Variants in INPP4B observed in about 807,000 individuals in gnomAD.
INPP4B encodes inositol polyphosphate 4-phosphatase type II.
In INPP4B, 55 loss-of-function variants were observed where a neutral mutation model predicts 122.5. The ratio of observed to expected loss-of-function variants is 0.45; its 90% CI spans 0.36 to 0.56. The LOEUF is 0.56. Among genes scored for constraint, INPP4B ranks in the 20% least tolerant of loss-of-function variants. The pLI is 0.00. For synonymous variants in INPP4B, 403 were observed against 388.7 expected (o/e 1.04, Z -0.43); for missense variants, 1,000 against 1,097.7 (o/e 0.91, Z 1.26).
chr4:142,225,901 AT>A, intron 12 of INPP4B, among the ~76,000 whole-genome samples: 1 of 152,252 alleles, frequency 6.6e-6, no homozygotes, highest in African/African-American at 2.4e-5. Context: ...TAAAGCCAAT[AT>A]TTTGTGGCTA....
At chr4:142,442,411 CA>C (rs70949167) in intron 3 of INPP4B, among the ~76,000 whole-genome samples, 3,054 of 78,422 alleles carry the variant, frequency 0.039, 63 homozygotes, top group African/African-American at 0.15. Context: ...GACTCCATCT[CA>C]AAAAAAAAAA....
At chr4:142,594,821 G>T (rs1009236894) in intron 2 of INPP4B, among the ~76,000 whole-genome samples, 29 of 151,798 alleles carry the variant, frequency 1.9e-4, no homozygotes, top group African/African-American at 7.0e-4. Flanking sequence ...CGAGTGTGGT[G>T]GTGGGCACCT....
intron 1 of INPP4B, among the ~76,000 whole-genome samples, chr4:142,760,012 C>G (rs917863165): frequency 6.6e-6 from 1 of 151,902 alleles, no homozygotes; most frequent in Non-Finnish European, 1.5e-5. Flanking sequence ...TGATTTTCTT[C>G]TCTGCAGAAA....
chr4:142,242,930 T>C (rs546418388), intron 11 of INPP4B, among the ~76,000 whole-genome samples: 3 of 152,238 alleles, frequency 2.0e-5, no homozygotes, highest in African/African-American at 7.2e-5. Flanking sequence ...TCTCTTTTTT[T>C]CCTCCTGCAC....
intron 25 of INPP4B, among the ~76,000 whole-genome samples, chr4:142,039,025 G>C (rs1315991700): frequency 1.3e-5 from 2 of 152,106 alleles, no homozygotes; most frequent in East Asian, 3.9e-4. Context: ...CTTAAGCACA[G>C]GTTTTCTGCT....
intron 11 of INPP4B, among the ~76,000 whole-genome samples, chr4:142,256,651 C>T (rs1038223371): frequency 1.3e-5 from 2 of 152,238 alleles, no homozygotes; most frequent in South Asian, 4.2e-4. Flanking sequence ...CAAGACTAAA[C>T]CAGGAAGAAG....
chr4:142,040,008 C>G (rs925872040), intron 25 of INPP4B, among the ~76,000 whole-genome samples: 4 of 151,154 alleles, frequency 2.6e-5, no homozygotes, highest in Non-Finnish European at 5.9e-5. Context: ...TTATTCATGA[C>G]AGAAAATTTG....
chr4:142,563,481 T>C (rs535949486), intron 2 of INPP4B, among the ~76,000 whole-genome samples: 1 of 152,312 alleles, frequency 6.6e-6, no homozygotes, highest in African/African-American at 2.4e-5. Context: ...ATGAGGCCTA[T>C]CTATAAGGCA....
intron 2 of INPP4B, among the ~76,000 whole-genome samples, chr4:142,475,338 C>A (rs933400223): frequency 6.6e-6 from 1 of 151,854 alleles, no homozygotes; most frequent in Non-Finnish European, 1.5e-5. Flanking sequence ...AAAAAAACAT[C>A]TAAAGGACAG....
chr4:142,105,930 T>C (rs1253923292), intron 23 of INPP4B, among the ~76,000 whole-genome samples: 1 of 152,220 alleles, frequency 6.6e-6, no homozygotes, highest in African/African-American at 2.4e-5. Context: ...AAAAGCTTTA[T>C]GTTTTTTCCT....
At chr4:142,094,673 T>C (rs1052404200) in intron 23 of INPP4B, among the ~76,000 whole-genome samples, 1 of 152,108 alleles carries the variant, frequency 6.6e-6, no homozygotes, top group African/African-American at 2.4e-5. Context: ...CTGCTGCCTA[T>C]AATGTGGAAG....
chr4:142,540,732 C>T (rs1395389486), intron 2 of INPP4B, among the ~76,000 whole-genome samples: 6 of 152,006 alleles, frequency 3.9e-5, no homozygotes, highest in Non-Finnish European at 8.8e-5. Context: ...TTATTTTATG[C>T]ACTGTAAGGT....
intron 1 of INPP4B, among the ~76,000 whole-genome samples, chr4:142,768,498 G>T (rs923756168): frequency 6.6e-6 from 1 of 152,190 alleles, no homozygotes; most frequent in Non-Finnish European, 1.5e-5. Context: ...CATAGGAGTG[G>T]CCTCAGGAAT....
intron 3 of INPP4B, among the ~76,000 whole-genome samples, chr4:142,431,657 T>C (rs564277745): frequency 6.6e-6 from 1 of 152,256 alleles, no homozygotes; most frequent in African/African-American, 2.4e-5. Flanking sequence ...AGATAGTGGA[T>C]AGCTATAGGG....
intron 2 of INPP4B, among the ~76,000 whole-genome samples, chr4:142,721,085 T>C (rs759475265): frequency 6.6e-6 from 1 of 151,480 alleles, no homozygotes; most frequent in Non-Finnish European, 1.5e-5. Context: ...TCCAAAGTAA[T>C]CTTAGTGCTG....
chr4:142,686,731 T>C (rs1038957329), intron 2 of INPP4B, among the ~76,000 whole-genome samples: 1 of 152,132 alleles, frequency 6.6e-6, no homozygotes, highest in African/African-American at 2.4e-5. Flanking sequence ...TTATCAGTTA[T>C]AATATTTGCT....
chr4:142,045,588 A>G (rs1750919040), intron 25 of INPP4B, among the ~76,000 whole-genome samples: 1 of 152,020 alleles, frequency 6.6e-6, no homozygotes, highest in Admixed American at 6.6e-5. Context: ...AGTTACAGAG[A>G]CTTGGCTGTG....
Position 142,305,439 on chromosome 4 carries a change from TACAA to T in INPP4B, c.503+15_503+18del, listed in dbSNP as rs756233559. 1.3e-5 allele frequency: 21 copies of T among 1,578,182 alleles called. No homozygotes were observed. The South Asian group carries it at 2.2e-4, about 16-fold the overall frequency. On this transcript the variant is annotated intron_variant, in intron 9 of 25. Transcript: ENST00000262992. ...TTGTTATTAACTTTAACAGTATTTCTACAAACAAAGAGACCCACCTCAGGCTCAG... is the reference window on the plus strand; with the variant it reads ...TTGTTATTAACTTTAACAGTATTTCTACAAAGAGACCCACCTCAGGCTCAG...
intron 18 of INPP4B, among the ~76,000 whole-genome samples, chr4:142,125,696 GA>G (rs1317130746): frequency 6.6e-6 from 1 of 152,070 alleles, no homozygotes; most frequent in Non-Finnish European, 1.5e-5. Context: ...ATTCCATGAA[GA>G]TTGGGTTGAG....
Sources: gnomAD v4.1 joint callset for allele counts (sites outside exome capture counted in the v4.1 genomes callset) on GRCh38, gnomAD v4.1.1 for gene constraint, MANE v1.5 for transcripts, NCBI Gene and HGNC (gene_info 2026-07-23, HGNC 2026-07-21) for gene names.